Variants in GAS7 observed in about 807,000 individuals in gnomAD.
GAS7 encodes growth arrest-specific protein 7.
In GAS7, 28 loss-of-function variants were observed where a neutral mutation model predicts 71.1. That is an observed-to-expected ratio of 0.39 (90% CI 0.29 to 0.54). GAS7 has a LOEUF of 0.54. GAS7 is among the 20% of genes least tolerant of loss of function. GAS7 has a pLI of 0.62. For missense variants in GAS7, 436 were observed against 627.8 expected (o/e 0.69, Z 3.27); for synonymous variants, 258 against 245.8 (o/e 1.05, Z -0.46).
chr17:10,096,093 G>A lies in GAS7; in HGVS notation c.184-76196C>T, dbSNP rs76625949. 5.3e-3 allele frequency among the ~76,000 whole-genome samples: 813 copies of A among 152,194 alleles called. 16 individuals are homozygous for A. Among genetic ancestry groups the A allele is most frequent in the East Asian group, 0.051 (264 of 5,170 alleles). Reference sequence around the variant, plus strand: ...CAGCGTCTCTGCAGATCACTCCCAAGTCTGCGCCAAGGCCCCAACTTGTCT... The same window carrying A: ...CAGCGTCTCTGCAGATCACTCCCAAATCTGCGCCAAGGCCCCAACTTGTCT... On this transcript the variant is annotated intron_variant, in intron 1 of 13. Coordinates refer to ENST00000432992, the MANE Select transcript of GAS7 (RefSeq NM_201433.2).
At chr17:10,089,022 A>G (rs898865677) in intron 1 of GAS7, among the ~76,000 whole-genome samples, 1 of 152,008 alleles carries the variant, frequency 6.6e-6, no homozygotes, top group Non-Finnish European at 1.5e-5. Flanking sequence ...TGAGCCAGGC[A>G]TGGTGGCAGG....
intron 1 of GAS7, among the ~76,000 whole-genome samples, chr17:10,122,888 T>G (rs1464050957): frequency 3.9e-5 from 6 of 152,148 alleles, no homozygotes. Flanking sequence ...TGGAGTGCAG[T>G]GGCGTGATCA....
intron 1 of GAS7, among the ~76,000 whole-genome samples, chr17:10,136,639 G>A (rs575660814): frequency 2.0e-5 from 3 of 152,062 alleles, no homozygotes; most frequent in South Asian, 2.1e-4. Flanking sequence ...GCATCTGTCC[G>A]TCTGCCTCAA....
chr17:10,018,169 T>C (rs1243339471), intron 2 of GAS7, among the ~76,000 whole-genome samples: 1 of 152,228 alleles, frequency 6.6e-6, no homozygotes, highest in Admixed American at 6.5e-5. Context: ...AGTATACATA[T>C]GTTTAAAAGG....
intron 1 of GAS7, among the ~76,000 whole-genome samples, chr17:10,142,868 AC>A (rs2074093430): frequency 6.6e-6 from 1 of 152,160 alleles, no homozygotes; most frequent in Non-Finnish European, 1.5e-5. Context: ...TGTGTCATGA[AC>A]TTGAACTGTG....
chr17:10,055,077 T>C (rs1026404182), intron 1 of GAS7, among the ~76,000 whole-genome samples: 5 of 152,008 alleles, frequency 3.3e-5, no homozygotes, highest in African/African-American at 1.2e-4. Context: ...TCAAGCAGGC[T>C]GATAGAAGAG....
At chr17:9,957,005 G>T (rs989165604) in intron 5 of GAS7, among the ~76,000 whole-genome samples, 17 of 152,206 alleles carry the variant, frequency 1.1e-4, no homozygotes, top group South Asian at 2.1e-4. Context: ...CCAAGGCCAG[G>T]TGGTACACCG....
At chr17:9,944,358 A>G (rs2068714982) in intron 6 of GAS7, among the ~76,000 whole-genome samples, 1 of 152,150 alleles carries the variant, frequency 6.6e-6, no homozygotes, top group Admixed American at 6.5e-5. Context: ...CCAGAGAGAG[A>G]GGTGCATTGG....
Position 9,959,338 on chromosome 17 carries a change from G to GA in GAS7, c.472-84dup, listed in dbSNP as rs754656642. 2 of 1,598,740 alleles carry GA rather than the reference G, an allele frequency of 1.3e-6. No homozygotes were observed. Among genetic ancestry groups the GA allele is most frequent in the East Asian group, 4.5e-5 (2 of 44,588 alleles). On this transcript the variant is annotated intron_variant, in intron 4 of 13. Transcript: ENST00000432992. This position sits in a 1 kb window ranked among gnomAD's most constrained non-coding sequence, Gnocchi z 5.0. ...CCCCCATTCAGGTTCCCTGAGGGTGGAGGCGCTGGGGAATCAGGGATGCTC... is the reference window on the plus strand; with the variant it reads ...CCCCCATTCAGGTTCCCTGAGGGTGGAAGGCGCTGGGGAATCAGGGATGCTC...
intron 3 of GAS7, among the ~76,000 whole-genome samples, chr17:9,975,503 A>G (rs1429518536): frequency 8.0e-6 from 1 of 125,222 alleles, no homozygotes; most frequent in Non-Finnish European, 1.7e-5. Flanking sequence ...CCTTCCTTCT[A>G]CCCATCCTCC....
intron 1 of GAS7, among the ~76,000 whole-genome samples, chr17:10,143,807 G>A (rs903437255): frequency 3.9e-5 from 6 of 152,190 alleles, no homozygotes; most frequent in Admixed American, 1.3e-4. Flanking sequence ...TGTTGTTTAA[G>A]CCCCACAATC....
At chr17:9,978,952 T>C (rs2070308502) in intron 3 of GAS7, among the ~76,000 whole-genome samples, 1 of 152,116 alleles carries the variant, frequency 6.6e-6, no homozygotes, top group African/African-American at 2.4e-5. Flanking sequence ...TGCCTGTGCA[T>C]TGTGGGATGT....
At chr17:10,065,328 G>A (rs1180288996) in intron 1 of GAS7, among the ~76,000 whole-genome samples, 1 of 152,184 alleles carries the variant, frequency 6.6e-6, no homozygotes, top group Admixed American at 6.5e-5. Flanking sequence ...AACACTTGGT[G>A]TCTTAAAGCA....
chr17:10,007,625 C>CAAAAAAAAAAAAAAAAAAAAAAAAA (rs201254619), intron 2 of GAS7, among the ~76,000 whole-genome samples: 1 of 46,596 alleles, frequency 2.1e-5, no homozygotes, highest in Non-Finnish European at 4.6e-5. Flanking sequence ...GATTCTGTCT[C>CAAAAAAAAAAAAAAAAAAAAAAAAA]AAAAAAAAAA....
intron 1 of GAS7, among the ~76,000 whole-genome samples, chr17:10,114,238 T>C (rs535017794): frequency 6.6e-6 from 1 of 152,142 alleles, no homozygotes. Flanking sequence ...CCGTCAATGC[T>C]ACAGTCTCAC....
chr17:10,154,942 AC>A (rs1349217227), intron 1 of GAS7, among the ~76,000 whole-genome samples: 1 of 151,588 alleles, frequency 6.6e-6, no homozygotes, highest in African/African-American at 2.4e-5. Flanking sequence ...ACACACACAC[AC>A]ACACACACAC....
chr17:10,183,889 G>C (rs1195856158), intron 1 of GAS7, among the ~76,000 whole-genome samples: 1 of 151,946 alleles, frequency 6.6e-6, no homozygotes, highest in Non-Finnish European at 1.5e-5. Flanking sequence ...TCTCACACAG[G>C]TAGCAGGGGC....
At chr17:10,087,626 G>A (rs971276232) in intron 1 of GAS7, among the ~76,000 whole-genome samples, 1 of 152,192 alleles carries the variant, frequency 6.6e-6, no homozygotes, top group African/African-American at 2.4e-5. Context: ...GTAAGCGTCA[G>A]GGTTCCCCGA....
intron 5 of GAS7, among the ~76,000 whole-genome samples, chr17:9,956,547 G>C (rs1201170507): frequency 6.6e-6 from 1 of 152,080 alleles, no homozygotes; most frequent in Non-Finnish European, 1.5e-5. Context: ...ATGAGCACCC[G>C]TCACTCCCAA....
Sources: allele counts gnomAD v4.1 joint callset (sites outside exome capture counted in the v4.1 genomes callset), GRCh38; gene constraint gnomAD v4.1.1; non-coding constraint Gnocchi (gnomAD v3.1); transcripts MANE v1.5; gene names NCBI Gene and HGNC (gene_info 2026-07-23, HGNC 2026-07-21).